Variants in ULK4 observed in about 807,000 individuals in gnomAD.
The protein encoded by ULK4 is unc-51 like kinase 4, also known as inactive serine/threonine-protein kinase ULK4.
ULK4 carries 133 observed loss-of-function variants against 160.6 expected under a neutral mutation model. That is an observed-to-expected ratio of 0.83 (90% CI 0.72 to 0.96). The LOEUF is 0.96. Among genes scored for constraint, ULK4 ranks in the 40% least tolerant of loss-of-function variants. The probability of loss-of-function intolerance (pLI) is 0.00; values close to 1 mark genes in which losing one functional copy is unlikely to be tolerated. For synonymous variants in ULK4, 534 were observed against 539.8 expected (o/e 0.99, Z 0.15); for missense variants, 1,580 against 1,499.5 (o/e 1.05, Z -0.89).
chr3:41,347,319 T>C (rs991508159), intron 35 of ULK4, among the ~76,000 whole-genome samples: 1 of 152,188 alleles, frequency 6.6e-6, no homozygotes, highest in African/African-American at 2.4e-5. Context: ...AAAAAAATCA[T>C]AAAATAAAGA....
chr3:41,945,599 T>A (rs956936664), intron 2 of ULK4, among the ~76,000 whole-genome samples: 1 of 152,204 alleles, frequency 6.6e-6, no homozygotes, highest in Non-Finnish European at 1.5e-5. Context: ...TGGCCTAATG[T>A]CTATATGCTG....
chr3:41,617,529 CCTGA>C (rs1358083350), intron 30 of ULK4, among the ~76,000 whole-genome samples: 5 of 152,152 alleles, frequency 3.3e-5, no homozygotes, highest in Admixed American at 2.0e-4. Flanking sequence ...AGAAGAGGGG[CCTGA>C]CTGTTTGAAG....
At chr3:41,261,695 C>T (rs2078947332) in intron 35 of ULK4, among the ~76,000 whole-genome samples, 1 of 152,188 alleles carries the variant, frequency 6.6e-6, no homozygotes, top group South Asian at 2.1e-4. Context: ...CCAGGCAAAG[C>T]AGGAACCGCA....
At chr3:41,919,891 A>G in intron 5 of ULK4, 73 bp from the exon 6 acceptor site, 1 of 864,692 alleles carries the variant, frequency 1.2e-6, no homozygotes. Flanking sequence ...CCTAGGAAAG[A>G]TCTGATGAGA....
chr3:41,673,971 C>T (rs1367362188), intron 29 of ULK4, among the ~76,000 whole-genome samples: 1 of 152,156 alleles, frequency 6.6e-6, no homozygotes, highest in Non-Finnish European at 1.5e-5. Flanking sequence ...TTAACCATTG[C>T]ATCCCCAGTG....
chr3:41,583,138 A>G (rs931138068), intron 31 of ULK4, among the ~76,000 whole-genome samples: 1 of 152,182 alleles, frequency 6.6e-6, no homozygotes, highest in Non-Finnish European at 1.5e-5. Flanking sequence ...AGGCTTCTAT[A>G]TGCTCCCCAG....
At chr3:41,394,698 C>A (rs1348991686) in intron 35 of ULK4, among the ~76,000 whole-genome samples, 2 of 152,076 alleles carry the variant, frequency 1.3e-5, no homozygotes, top group East Asian at 1.9e-4. Flanking sequence ...AAATTGGAGG[C>A]CATCTGTATT....
chr3:41,299,607 C>T (rs1392519488), intron 35 of ULK4, among the ~76,000 whole-genome samples: 1 of 152,106 alleles, frequency 6.6e-6, no homozygotes, highest in South Asian at 2.1e-4. Flanking sequence ...GTTAATGCTG[C>T]AATATTTAAC....
chr3:41,712,812 C>T (rs113319193), intron 25 of ULK4, among the ~76,000 whole-genome samples: 10 of 152,020 alleles, frequency 6.6e-5, no homozygotes, highest in African/African-American at 1.9e-4. Context: ...GGATTGCTTG[C>T]GCCTGGGAGG....
rs1016460924 is a variant in ULK4 at position 41,725,332 on chromosome 3, A to C, written c.2322-7471T>G. On this transcript the variant is annotated intron_variant, in intron 22 of 36. Transcript: ENST00000301831. Reference sequence around the variant, plus strand: ...AAGTTTTTATTTCTTTCCTATATTGATATCTAAATTATCTATTATCGTTTA... The same window carrying C: ...AAGTTTTTATTTCTTTCCTATATTGCTATCTAAATTATCTATTATCGTTTA... 2.6e-5 allele frequency among the ~76,000 whole-genome samples: 4 copies of C among 152,082 alleles called. No individual in the cohort carries two copies. The East Asian group carries it at 7.7e-4, about 29-fold the overall frequency.
At chr3:41,710,938 G>A (rs1360710980) in intron 25 of ULK4, among the ~76,000 whole-genome samples, 1 of 152,168 alleles carries the variant, frequency 6.6e-6, no homozygotes, top group Non-Finnish European at 1.5e-5. Context: ...GAGCTGAAGG[G>A]TTGTGGGAGT....
At chr3:41,659,631 G>A (rs1313358172) in intron 30 of ULK4, among the ~76,000 whole-genome samples, 11 of 151,346 alleles carry the variant, frequency 7.3e-5, no homozygotes, top group Admixed American at 7.3e-4. Flanking sequence ...TCCTTTGGAG[G>A]CATAAAATAG....
intron 34 of ULK4, among the ~76,000 whole-genome samples, chr3:41,442,397 T>A (rs767985395): frequency 1.3e-5 from 2 of 152,114 alleles, no homozygotes; most frequent in Non-Finnish European, 2.9e-5. Flanking sequence ...TCACATGTAG[T>A]TCTACCACCC....
chr3:41,595,845 C>T lies in ULK4; in HGVS notation c.3120+19824G>A, dbSNP rs567878440. Among the ~76,000 whole-genome samples, 5 of 152,210 alleles carry T rather than the reference C, an allele frequency of 3.3e-5. No homozygotes were observed. The South Asian group carries it at 1.0e-3, about 32-fold the overall frequency. ...CTAAGTAGCTGAGGGAATAACAAGACAAAGAAAAGACAGTGCCAAAGACAA... is the reference window on the plus strand; with the variant it reads ...CTAAGTAGCTGAGGGAATAACAAGATAAAGAAAAGACAGTGCCAAAGACAA... On this transcript the variant is annotated intron_variant, in intron 31 of 36. Coordinates refer to ENST00000301831, the MANE Select transcript of ULK4 (RefSeq NM_017886.4).
chr3:41,868,993 AGTTTTT>A (rs1559619447), intron 17 of ULK4: 2 of 152,090 alleles, frequency 1.3e-5, no homozygotes, highest in African/African-American at 4.8e-5. Context: ...ATGGTAATTT[AGTTTTT>A]AAGACTAGTC....
At chr3:41,395,570 A>C (rs1445085080) in intron 35 of ULK4, among the ~76,000 whole-genome samples, 1 of 152,160 alleles carries the variant, frequency 6.6e-6, no homozygotes, top group Non-Finnish European at 1.5e-5. Context: ...TACCTAGAGT[A>C]GTCAAATTCA....
rs1394407951 is a variant in ULK4 at position 41,835,955 on chromosome 3, G to C, written c.1673C>G (p.Thr558Ser). The change falls in exon 18 of 37, where the codon ACT becomes AGT. Residue 558 changes from threonine (T) to serine (S), a missense_variant. Transcript: ENST00000301831. ...TPVVEAIVLL[T>S]ELIRENFRNS... ...CCTGAAGTTTTCCCTAATTAATTCA[G>C]TTAAGAGAACAATTGCCTGCAAAGA... is the stretch of plus-strand genomic sequence containing the variant. The C allele has an allele frequency of 2.5e-6, 4 of 1,588,412 alleles. No individual in the cohort carries two copies. The Admixed American group carries it at 5.2e-5, about 20-fold the overall frequency.
intron 30 of ULK4, among the ~76,000 whole-genome samples, chr3:41,661,352 G>C (rs2035150708): frequency 6.6e-6 from 1 of 151,766 alleles, no homozygotes; most frequent in Non-Finnish European, 1.5e-5. Flanking sequence ...TTTTTTTTTA[G>C]TCAATCACCA....
At chr3:41,917,099 C>T (rs1342118767) in intron 7 of ULK4, among the ~76,000 whole-genome samples, 1 of 152,116 alleles carries the variant, frequency 6.6e-6, no homozygotes, top group Non-Finnish European at 1.5e-5. Flanking sequence ...AGATTTTTAA[C>T]AGAAATAAGA....
Sources: allele counts gnomAD v4.1 joint callset (sites outside exome capture counted in the v4.1 genomes callset), GRCh38; gene constraint gnomAD v4.1.1; transcripts MANE v1.5; gene names NCBI Gene and HGNC (gene_info 2026-07-23, HGNC 2026-07-21).